The following COL5A2 variants were observed in gnomAD, a reference collection of about 807,000 sequenced individuals.
The protein encoded by COL5A2 is collagen alpha-2(V) chain.
COL5A2 carries 23 observed loss-of-function variants against 208.2 expected under a neutral mutation model. The observed-to-expected ratio is 0.11, with a 90% CI of 0.08 to 0.16. The LOEUF (loss-of-function observed/expected upper bound fraction) is 0.16. Among genes scored for constraint, COL5A2 ranks in the 10% least tolerant of loss-of-function variants. The pLI is 1.00. For missense variants in COL5A2, 1,590 were observed against 1,956.4 expected, an observed-to-expected ratio of 0.81 and a Z score of 3.53; for synonymous variants, 625 against 628.5, an observed-to-expected ratio of 0.99 and a Z score of 0.08.
chr2:189,111,551 T>A (rs1687261431), intron 1 of COL5A2, among the ~76,000 whole-genome samples: 1 of 149,540 alleles, frequency 6.7e-6, no homozygotes, highest in Non-Finnish European at 1.5e-5. Flanking sequence ...CAATGTCATC[T>A]CCCCGCGAAA....
intron 7 of COL5A2, among the ~76,000 whole-genome samples, chr2:189,091,576 A>C (rs1686785367): frequency 6.6e-6 from 1 of 152,182 alleles, no homozygotes; most frequent in South Asian, 2.1e-4. Flanking sequence ...TTAATAAAGA[A>C]ATATACCTTG....
the COL5A2 span, among the ~76,000 whole-genome samples, chr2:189,399,455 T>C: frequency 2.0e-5 from 3 of 152,054 alleles, no homozygotes; most frequent in Non-Finnish European, 4.4e-5. Flanking sequence ...CTCACCATGT[T>C]GGCCAGGCTG....
rs375877757 is a variant in COL5A2, at chr2:189,053,427, G to T, written c.2550C>A (p.Pro850=). The T allele has an allele frequency of 9.3e-6, 15 of 1,613,282 alleles. No homozygotes were observed. Among genetic ancestry groups the T allele is most frequent in the Non-Finnish European group, 1.3e-5 (15 of 1,179,418 alleles). Residue 850 remains proline, a synonymous_variant, in exon 38 of 54, where the codon CCC becomes CCA. Coordinates refer to ENST00000374866, the MANE Select transcript of COL5A2 (RefSeq NM_000393.5). The part of the protein sequence containing the change: ...GPTGAVGFAG[P]QGPDGQPGVK... ...TAGGGATATTTGAAAATTATACCTGGGGTCCGGCAAAACCAACAGCTCCAG... is the reference window on the plus strand; with the variant it reads ...TAGGGATATTTGAAAATTATACCTGTGGTCCGGCAAAACCAACAGCTCCAG...
rs1221490713 is a variant in COL5A2 at position 189,129,439 on chromosome 2, G to A, written c.98-18990C>T. Among the ~76,000 whole-genome samples, 8 of 152,130 alleles carry A rather than the reference G, an allele frequency of 5.3e-5. No homozygotes were observed. In the East Asian group the frequency reaches 7.7e-4, roughly 15 times the overall value. On this transcript the variant is annotated intron_variant, in intron 1 of 53. Transcript: ENST00000374866. ...TGAGGATTTTTCAAGCTTCTATTTT[G>A]AGAGATGATTCTGGGACATTCCTTG...
At chr2:189,107,914 G>C (rs190347175) in intron 2 of COL5A2, among the ~76,000 whole-genome samples, 2 of 151,388 alleles carry the variant, frequency 1.3e-5, no homozygotes, top group African/African-American at 4.8e-5. Flanking sequence ...CTTACATGCC[G>C]CTCAGGTTTT....
At chr2:189,316,298 G>A in the COL5A2 span, among the ~76,000 whole-genome samples, 1 of 152,160 alleles carries the variant, frequency 6.6e-6, no homozygotes, top group African/African-American at 2.4e-5. Flanking sequence ...ATGAGATCAT[G>A]TTCTTTGCAG....
chr2:189,035,863 A>C (rs2153506067), intron 52 of COL5A2, among the ~76,000 whole-genome samples: 1 of 152,244 alleles, frequency 6.6e-6, no homozygotes, highest in African/African-American at 2.4e-5. Flanking sequence ...TGCCATAAAG[A>C]GATGCAGAAT....
At chr2:189,243,695 A>G in the COL5A2 span, among the ~76,000 whole-genome samples, 1 of 152,180 alleles carries the variant, frequency 6.6e-6, no homozygotes, top group Non-Finnish European at 1.5e-5. Flanking sequence ...TGCCTTCCCA[A>G]CAGTACCACA....
chr2:189,057,090 G>A (rs1685914859), intron 34 of COL5A2, 64 bp from the exon 35 acceptor site: 1 of 1,544,810 alleles, frequency 6.5e-7, no homozygotes, highest in Non-Finnish European at 8.9e-7. Flanking sequence ...TTGTGTGTAA[G>A]TTTCATGAGA....
chr2:189,168,404 C>T (rs1438405399), intron 1 of COL5A2, among the ~76,000 whole-genome samples: 1 of 152,004 alleles, frequency 6.6e-6, no homozygotes, highest in Admixed American at 6.6e-5. Context: ...TTAATCTTTC[C>T]ATGGTAGTCA....
the COL5A2 span, among the ~76,000 whole-genome samples, chr2:189,414,011 G>A: frequency 6.6e-6 from 1 of 151,828 alleles, no homozygotes; most frequent in Non-Finnish European, 1.5e-5. Flanking sequence ...AGGCTGGTCT[G>A]GAACTCCTAA....
chr2:189,059,326 T>C (rs1685969711), intron 31 of COL5A2, among the ~76,000 whole-genome samples: 1 of 152,120 alleles, frequency 6.6e-6, no homozygotes, highest in African/African-American at 2.4e-5. Context: ...AGTAAATCTT[T>C]CTTGAGCCTA....
chr2:189,345,444 T>A, the COL5A2 span, among the ~76,000 whole-genome samples: 1 of 152,044 alleles, frequency 6.6e-6, no homozygotes, highest in Admixed American at 6.6e-5. Flanking sequence ...TAGGATCATG[T>A]GGGGGAGAAA....
At chr2:189,084,070 G>A (rs199727634) in intron 11 of COL5A2, 33 bp from the exon 12 acceptor site, 30 of 1,472,702 alleles carry the variant, frequency 2.0e-5, no homozygotes, top group Non-Finnish European at 2.7e-5. Flanking sequence ...GATTGGGAAG[G>A]CAAAAGTGAT....
At chr2:189,037,222 GAATA>G (rs1394578723) in intron 51 of COL5A2, among the ~76,000 whole-genome samples, 1 of 152,126 alleles carries the variant, frequency 6.6e-6, no homozygotes, top group East Asian at 1.9e-4. Context: ...TGAGTAAAGT[GAATA>G]AATAAGTTGA....
intron 1 of COL5A2, among the ~76,000 whole-genome samples, chr2:189,178,170 TA>T (rs1688712037): frequency 6.6e-6 from 1 of 152,140 alleles, no homozygotes. Flanking sequence ...CCTCATATTT[TA>T]AAAACATAAA....
the COL5A2 span, among the ~76,000 whole-genome samples, chr2:189,276,532 C>A: frequency 9.2e-5 from 14 of 152,084 alleles, no homozygotes; most frequent in Non-Finnish European, 1.9e-4. Flanking sequence ...CTGGAGTTTT[C>A]AAGTACATGC....
chr2:189,362,566 TGACTGCCA>T, the COL5A2 span, among the ~76,000 whole-genome samples: 17 of 152,090 alleles, frequency 1.1e-4, no homozygotes, highest in Non-Finnish European at 1.3e-4. Flanking sequence ...AATTGCACCC[TGACTGCCA>T]GAATTTTTTT....
At chr2:189,437,709 T>C in the COL5A2 span, among the ~76,000 whole-genome samples, 14 of 152,252 alleles carry the variant, frequency 9.2e-5, no homozygotes, top group East Asian at 2.5e-3. Flanking sequence ...TTCAGCATCA[T>C]AGGAAACCTA....
Sources: allele counts gnomAD v4.1 joint callset (sites outside exome capture counted in the v4.1 genomes callset), GRCh38; gene constraint gnomAD v4.1.1; transcripts MANE v1.5; gene names NCBI Gene and HGNC (gene_info 2026-07-23, HGNC 2026-07-21).